The following PIP4K2C variants were observed in gnomAD, a reference collection of about 807,000 sequenced individuals.
PIP4K2C encodes phosphatidylinositol 5-phosphate 4-kinase type-2 gamma.
A neutral mutation model predicts 45.0 loss-of-function variants in PIP4K2C; 21 were observed. The observed-to-expected ratio is 0.47, with a 90% confidence interval of 0.33 to 0.67. The LOEUF is 0.67. Among genes scored for constraint, PIP4K2C ranks in the 30% least tolerant of loss-of-function variants. PIP4K2C has a pLI of 0.02. For missense variants in PIP4K2C, 456 were observed against 542.8 expected (o/e 0.84, Z 1.59); for synonymous variants, 201 against 204.8 (o/e 0.98, Z 0.16).
At chr12:57,592,813 C>A (rs1041427756) in intron 1 of PIP4K2C, among the ~76,000 whole-genome samples, 2 of 151,816 alleles carry the variant, frequency 1.3e-5, no homozygotes, top group Non-Finnish European at 2.9e-5. Flanking sequence ...GAACATATGT[C>A]TTAGTGATGA....
intron 7 of PIP4K2C, 88 bp downstream of exon 7, chr12:57,600,525 C>G: frequency 1.1e-6 from 1 of 913,870 alleles, no homozygotes. Context: ...TGAGGGAGCT[C>G]CTCCCCTTCC....
In PIP4K2C at chr12:57,600,969, C is replaced by G. The variant is rs141501070; in HGVS notation, c.972C>G (p.Ser324=). ...CTGGACCTCCTGCTCTGGTGGGCTC[C>G]TATGGCACCTCCCCAGAGGGTATCG... ...SLTGPPALVG[S]YGTSPEGIGG... is the part of the protein sequence containing the mutation. Residue 324 remains serine (S), a synonymous_variant, in exon 8 of 10, where the codon TCC becomes TCG. Transcript: ENST00000354947. 1 of 1,614,084 alleles carries G rather than the reference C, an allele frequency of 6.2e-7. No individual in the cohort carries two copies. Among genetic ancestry groups the G allele is most frequent in the Non-Finnish European group, 8.5e-7 (1 of 1,180,046 alleles).
chr12:57,593,807 G>A (rs1056708394), intron 1 of PIP4K2C, among the ~76,000 whole-genome samples: 3 of 151,156 alleles, frequency 2.0e-5, no homozygotes, highest in Middle Eastern at 3.4e-3. Flanking sequence ...GGGGGTGGGC[G>A]TGTTGGGGGC....
rs1444114241 is a variant in PIP4K2C, at chr12:57,591,260, G to T, written c.-30G>T. 6.3e-7 allele frequency: 1 copy of T among 1,579,654 alleles called. No homozygotes were observed. Among genetic ancestry groups the T allele is most frequent in the Non-Finnish European group, 8.6e-7 (1 of 1,158,112 alleles). On this transcript the variant is annotated 5_prime_UTR_variant, in exon 1 of 10. Transcript: ENST00000354947. ...GGCGCCTGGATAGCTGCCGGCTCCG[G>T]CTTCCACTTGGTCGGTTGCGCGGGA... is the stretch of plus-strand genomic sequence containing the variant.
rs1023088673 is a variant in PIP4K2C at position 57,602,894 on chromosome 12, A to G, written c.*1288A>G. On this transcript the variant is annotated 3_prime_UTR_variant, in exon 10 of 10. Transcript: ENST00000354947. ...GATACATTGTCTTCCTCTCCCTACAATGCCTCTGGGGCCAAGGCACCCATT... is the reference window on the plus strand; with the variant it reads ...GATACATTGTCTTCCTCTCCCTACAGTGCCTCTGGGGCCAAGGCACCCATT... 2.0e-5 allele frequency: 3 copies of G among 152,092 alleles called. No homozygotes were observed. Among genetic ancestry groups the G allele is most frequent in the African/African-American group, 7.3e-5 (3 of 41,224 alleles). The allele number at this position is 152,092 out of a possible 1,614,324, so 9.4% of individuals were successfully genotyped here.
chr12:57,593,339 G>A (rs905490386), intron 1 of PIP4K2C, among the ~76,000 whole-genome samples: 1 of 152,202 alleles, frequency 6.6e-6, no homozygotes, highest in African/African-American at 2.4e-5. Context: ...AGGAGAGCAT[G>A]TGATGCTTGT....
chr12:57,593,900 A>G, intron 1 of PIP4K2C, 125 bp from the exon 2 acceptor site: 3 of 621,394 alleles, frequency 4.8e-6, no homozygotes, highest in Non-Finnish European at 8.4e-6. Flanking sequence ...AAGCATATGC[A>G]TAGCCAGTGT....
chr12:57,591,617 CA>C (rs1390635553), intron 1 of PIP4K2C, among the ~76,000 whole-genome samples, 154 bp downstream of exon 1: 1 of 152,236 alleles, frequency 6.6e-6, no homozygotes, highest in East Asian at 1.9e-4. Flanking sequence ...GGTGTTCCCC[CA>C]GCAGGTTTTC....
At chr12:57,593,268 T>C (rs1012349140) in intron 1 of PIP4K2C, among the ~76,000 whole-genome samples, 1 of 152,086 alleles carries the variant, frequency 6.6e-6, no homozygotes, top group African/African-American at 2.4e-5. Context: ...CGGCTCAGGA[T>C]TTTTAAGTAC....
chr12:57,598,301 G>T (rs1044876227), intron 4 of PIP4K2C, among the ~76,000 whole-genome samples: 2 of 152,042 alleles, frequency 1.3e-5, no homozygotes, highest in African/African-American at 4.8e-5. Flanking sequence ...TGGGCAGATT[G>T]CCTGAGTTCA....
chr12:57,600,513 T>C, intron 7 of PIP4K2C, 76 bp downstream of exon 7: 1 of 1,010,934 alleles, frequency 9.9e-7, no homozygotes, highest in Non-Finnish European at 1.5e-6. Flanking sequence ...TCATTCACGG[T>C]ATGAGGGAGC....
chr12:57,602,106 T>C lies in PIP4K2C; in HGVS notation c.*500T>C, dbSNP rs193182110. On this transcript the variant is annotated 3_prime_UTR_variant, in exon 10 of 10. Transcript: ENST00000354947. The stretch of plus-strand genomic sequence containing the variant: ...CCCTCCTGGTGGGCCCTAGGATGGA[T>C]GACACTCAAGATACTACAGATGTGG... The C allele has an allele frequency of 5.8e-4, 102 of 176,096 alleles. 2 individuals are homozygous for C. The East Asian group carries it at 0.014, about 25-fold the overall frequency. 10.9% of individuals were successfully genotyped at this position (176,096 alleles called of 1,614,324 possible). A position where few individuals can be genotyped will look rare whatever the true frequency, so the allele number is the denominator to read the frequency against.
chr12:57,600,933 C>A lies in PIP4K2C; in HGVS notation c.936C>A (p.Asp312Glu). 6.2e-7 allele frequency: 1 copy of A among 1,614,208 alleles called. No homozygotes were observed. ...AGGATGAGTCAGAGGTGGATGGGGACTGCAGCCTGACTGGACCTCCTGCTC... is the reference window on the plus strand; with the variant it reads ...AGGATGAGTCAGAGGTGGATGGGGAATGCAGCCTGACTGGACCTCCTGCTC... ...VREDESEVDGDCSLTGPPALV... is the reference protein window; with the variant it reads ...VREDESEVDGECSLTGPPALV... The change falls in exon 8 of 10, where the codon GAC becomes GAA. Residue 312 changes from aspartate (D) to glutamate (E), a missense_variant. Coordinates refer to ENST00000354947, the MANE Select transcript of PIP4K2C (RefSeq NM_024779.5).
At position 57,595,107 on chromosome 12, in the gene PIP4K2C, T is replaced by G; in HGVS notation, c.273-19T>G. 1 of 1,507,068 alleles carries G rather than the reference T, an allele frequency of 6.6e-7. No individual in the cohort carries two copies. Among genetic ancestry groups the G allele is most frequent in the Non-Finnish European group, 9.2e-7 (1 of 1,082,494 alleles). The allele number at this position is 1,507,068 out of a possible 1,614,324, so 93.4% of individuals were successfully genotyped here. ...ATGTAATATTGTTTGTTTTCTTACTTTGAAAACCTGAATTTCAGGGAAAAT... is the reference window on the plus strand; with the variant it reads ...ATGTAATATTGTTTGTTTTCTTACTGTGAAAACCTGAATTTCAGGGAAAAT... On this transcript the variant is annotated intron_variant, in intron 2 of 9. Coordinates refer to ENST00000354947, the MANE Select transcript of PIP4K2C (RefSeq NM_024779.5).
chr12:57,591,371 A>G lies in PIP4K2C; in HGVS notation c.82A>G (p.Thr28Ala). Residue 28 changes from threonine (T) to alanine (A), a missense_variant, in exon 1 of 10, where the codon ACC (threonine) becomes GCC (alanine). This residue lies in a region of PIP4K2C where 421 missense variants were observed against 473.1 expected (regional missense o/e 0.89). Coordinates refer to ENST00000354947, the MANE Select transcript of PIP4K2C (RefSeq NM_024779.5). ...PGPGFGFASK[T>A]KKKHFVQQKV... ...CCCAGGTTTCGGCTTCGCCTCCAAG[A>G]CCAAGAAGAAGCATTTCGTGCAGCA... 1 of 1,613,812 alleles carries G rather than the reference A, an allele frequency of 6.2e-7. No homozygotes were observed. The highest frequency in any genetic ancestry group is 2.2e-5 in the East Asian group (1 of 44,844).
intron 1 of PIP4K2C, among the ~76,000 whole-genome samples, chr12:57,593,580 G>A (rs542382163): frequency 3.3e-5 from 5 of 151,182 alleles, no homozygotes; most frequent in Non-Finnish European, 7.4e-5. Context: ...TGCTGTGGTT[G>A]GCCCCACAGA....
chr12:57,597,701 A>G (rs193098437), intron 4 of PIP4K2C, among the ~76,000 whole-genome samples: 7 of 152,340 alleles, frequency 4.6e-5, no homozygotes, highest in African/African-American at 1.7e-4. Context: ...CCATAAAGGA[A>G]ACTAAGAGTA....
intron 1 of PIP4K2C, 39 bp from the exon 2 acceptor site, chr12:57,593,986 C>A: frequency 6.5e-7 from 1 of 1,539,412 alleles, no homozygotes. Context: ...TCTCCACACC[C>A]TTCTTCATGG....
chr12:57,601,818 C>A lies in PIP4K2C; in HGVS notation c.*212C>A. On this transcript the variant is annotated 3_prime_UTR_variant, in exon 10 of 10. Coordinates refer to ENST00000354947, the MANE Select transcript of PIP4K2C (RefSeq NM_024779.5). The stretch of plus-strand genomic sequence containing the variant: ...TTTCCTCTTTGCCCATTTTTCTTCC[C>A]TCTCTTCCTCCCCATGAGAAGTCTG... 1.7e-6 allele frequency: 1 copy of A among 579,190 alleles called. No individual in the cohort carries two copies. The highest frequency in any genetic ancestry group is 3.1e-6 in the Non-Finnish European group (1 of 324,070). 35.9% of individuals were successfully genotyped at this position (579,190 alleles called of 1,614,324 possible). A position where few individuals can be genotyped will look rare whatever the true frequency, so the allele number is the denominator to read the frequency against.
Sources: allele counts gnomAD v4.1 joint callset (sites outside exome capture counted in the v4.1 genomes callset), GRCh38; gene constraint gnomAD v4.1.1; regional missense constraint gnomAD v4.1.1; transcripts MANE v1.5; gene names NCBI Gene and HGNC (gene_info 2026-07-23, HGNC 2026-07-21).